The following GPR176 variants were observed in gnomAD, a reference collection of about 807,000 sequenced individuals.
The protein encoded by GPR176 is G protein-coupled receptor 176.
GPR176 carries 26 observed loss-of-function variants against 35.4 expected under a neutral mutation model. That is an observed-to-expected ratio of 0.74 (90% CI 0.54 to 1.02). The LOEUF (loss-of-function observed/expected upper bound fraction) is 1.02, where lower values mean the gene tolerates loss of function less well. Among genes scored for constraint, GPR176 ranks in the 50% least tolerant of loss-of-function variants. The probability of loss-of-function intolerance (pLI) is 0.00; values close to 1 mark genes in which losing one functional copy is unlikely to be tolerated. For missense variants in GPR176, 597 were observed against 665.3 expected, an observed-to-expected ratio of 0.90 and a Z score of 1.13; for synonymous variants, 278 against 271.3, an observed-to-expected ratio of 1.02 and a Z score of -0.24.
At chr15:39,823,527 C>G (rs896946052) in intron 1 of GPR176, among the ~76,000 whole-genome samples, 1 of 152,110 alleles carries the variant, frequency 6.6e-6, no homozygotes, top group Admixed American at 6.5e-5. Flanking sequence ...TCTCCATCCC[C>G]ACTAGCACCA....
intron 1 of GPR176, among the ~76,000 whole-genome samples, chr15:39,893,954 G>A (rs2032984940): frequency 7.8e-6 from 1 of 127,678 alleles, no homozygotes; most frequent in Non-Finnish European, 1.7e-5. Context: ...TGGCCGGGCG[G>A]GGGGCTGACC....
chr15:39,811,306 G>A (rs1221364750), intron 1 of GPR176, among the ~76,000 whole-genome samples: 1 of 152,038 alleles, frequency 6.6e-6, no homozygotes, highest in Non-Finnish European at 1.5e-5. Flanking sequence ...CGAGACTACA[G>A]ATGCACGCCA....
chr15:39,906,241 G>C (rs533225774), intron 1 of GPR176, among the ~76,000 whole-genome samples: 73 of 152,204 alleles, frequency 4.8e-4, no homozygotes, highest in African/African-American at 1.6e-3. Flanking sequence ...GGCTTCCTTG[G>C]CTGCAGTCAA....
chr15:39,845,736 A>AT (rs2030376131), intron 1 of GPR176, among the ~76,000 whole-genome samples: 1 of 152,130 alleles, frequency 6.6e-6, no homozygotes, highest in South Asian at 2.1e-4. Flanking sequence ...GGCAAACAGT[A>AT]TATCAGAAAG....
rs1898700950 is a variant in GPR176, at chr15:39,799,056, A to G, written c.*2076T>C. 1 of 152,210 alleles carries G rather than the reference A, an allele frequency of 6.6e-6. No homozygotes were observed. The highest frequency in any genetic ancestry group is 1.5e-5 in the Non-Finnish European group (1 of 68,032). The allele number at this position is 152,210 out of a possible 1,614,324, so 9.4% of individuals were successfully genotyped here. A position where few individuals can be genotyped will look rare whatever the true frequency, so the allele number is the denominator to read the frequency against. On this transcript the variant is annotated 3_prime_UTR_variant, in exon 3 of 3. Transcript: ENST00000561100. ...ATTTTTTATTAAAATGTTATTCTTC[A>G]AAGAGTATAGAAATACACCTGGCAA... is the stretch of plus-strand genomic sequence containing the variant.
At chr15:39,883,610 C>T (rs956297436) in intron 1 of GPR176, among the ~76,000 whole-genome samples, 12 of 151,980 alleles carry the variant, frequency 7.9e-5, no homozygotes, top group Admixed American at 4.6e-4. Context: ...ATGGTCTACT[C>T]GTACATAAAG....
intron 1 of GPR176, among the ~76,000 whole-genome samples, chr15:39,833,390 A>C (rs1211749160): frequency 6.6e-6 from 1 of 152,196 alleles, no homozygotes; most frequent in African/African-American, 2.4e-5. Context: ...TAAATAAAGA[A>C]GTCAGTAACA....
At chr15:39,916,372 T>G (rs1443910958) in intron 1 of GPR176, among the ~76,000 whole-genome samples, 1 of 152,220 alleles carries the variant, frequency 6.6e-6, no homozygotes, top group Non-Finnish European at 1.5e-5. Context: ...AAACACTGGT[T>G]TACGCAAACC....
chr15:39,812,409 G>A (rs754575573), intron 1 of GPR176, among the ~76,000 whole-genome samples: 9 of 152,156 alleles, frequency 5.9e-5, no homozygotes, highest in Admixed American at 2.0e-4. Flanking sequence ...TCTTTCTCCC[G>A]TGCTGGATGC....
chr15:39,911,896 T>A (rs1315465386), intron 1 of GPR176, among the ~76,000 whole-genome samples: 1 of 152,244 alleles, frequency 6.6e-6, no homozygotes, highest in African/African-American at 2.4e-5. Context: ...CCTTTATGCT[T>A]AAGATATCTT....
At chr15:39,833,049 T>C (rs1315674132) in intron 1 of GPR176, among the ~76,000 whole-genome samples, 1 of 152,142 alleles carries the variant, frequency 6.6e-6, no homozygotes, top group Admixed American at 6.6e-5. Flanking sequence ...ACTTAACATA[T>C]TCATGGGTTC....
chr15:39,910,835 C>A (rs1032878387), intron 1 of GPR176, among the ~76,000 whole-genome samples: 1 of 151,838 alleles, frequency 6.6e-6, no homozygotes, highest in Admixed American at 6.6e-5. Context: ...GTCAGTAGTT[C>A]GGGACCAGCC....
At chr15:39,833,681 T>C (rs1487317705) in intron 1 of GPR176, among the ~76,000 whole-genome samples, 1 of 152,192 alleles carries the variant, frequency 6.6e-6, no homozygotes. Flanking sequence ...ATAAAGCTGT[T>C]ATTCCTAAAA....
chr15:39,877,977 A>C (rs778649554), intron 1 of GPR176, among the ~76,000 whole-genome samples: 11 of 152,184 alleles, frequency 7.2e-5, no homozygotes, highest in Non-Finnish European at 1.6e-4. Flanking sequence ...AGCTTTACTG[A>C]AGTATAACTG....
chr15:39,859,939 A>T (rs913252641), intron 1 of GPR176, among the ~76,000 whole-genome samples: 3 of 152,130 alleles, frequency 2.0e-5, no homozygotes, highest in Admixed American at 6.6e-5. Flanking sequence ...AAAATGGTTA[A>T]GATGGTAAAT....
At chr15:39,829,102 G>T (rs978754962) in intron 1 of GPR176, 7 of 1,237,712 alleles carry the variant, frequency 5.7e-6, no homozygotes, top group Non-Finnish European at 8.0e-6. Flanking sequence ...GAAATAAGAA[G>T]CAGTGGAGCT....
At chr15:39,839,987 T>C (rs1307068478) in intron 1 of GPR176, among the ~76,000 whole-genome samples, 1 of 152,172 alleles carries the variant, frequency 6.6e-6, no homozygotes, top group Non-Finnish European at 1.5e-5. Context: ...AAACAACAGA[T>C]GCTGGAGAGG....
intron 1 of GPR176, among the ~76,000 whole-genome samples, chr15:39,855,248 TACTCCAAA>T (rs1213795563): frequency 6.6e-6 from 1 of 152,170 alleles, no homozygotes; most frequent in South Asian, 2.1e-4. Flanking sequence ...AATGCTATTT[TACTCCAAA>T]ACTCCAAAAC....
intron 1 of GPR176, among the ~76,000 whole-genome samples, chr15:39,817,817 G>A (rs1306161652): frequency 6.6e-6 from 1 of 152,220 alleles, no homozygotes; most frequent in Admixed American, 6.5e-5. Flanking sequence ...GTGGAGCAGG[G>A]AGTATGACGG....
Sources: gnomAD v4.1 joint callset for allele counts (sites outside exome capture counted in the v4.1 genomes callset) on GRCh38, gnomAD v4.1.1 for gene constraint, MANE v1.5 for transcripts, NCBI Gene and HGNC (gene_info 2026-07-23, HGNC 2026-07-21) for gene names.